Variants in DSCAM observed in about 807,000 individuals in gnomAD.
The protein encoded by DSCAM is DS cell adhesion molecule, also known as cell adhesion molecule DSCAM.
In DSCAM, 47 loss-of-function variants were observed where a neutral mutation model predicts 217.7. The ratio of observed to expected loss-of-function variants is 0.22; its 90% CI spans 0.17 to 0.28. The LOEUF (loss-of-function observed/expected upper bound fraction) is 0.28, where lower values mean the gene tolerates loss of function less well. DSCAM is among the 10% of genes least tolerant of loss of function. The pLI, the probability that DSCAM is intolerant of heterozygous loss-of-function variation, is 1.00. For missense variants in DSCAM, 2,080 were observed against 2,618.3 expected, an observed-to-expected ratio of 0.79 and a Z score of 4.49; for synonymous variants, 1,056 against 1,015.3, an observed-to-expected ratio of 1.04 and a Z score of -0.76.
intron 6 of DSCAM, among the ~76,000 whole-genome samples, chr21:40,344,336 T>C (rs1019152829): frequency 6.6e-6 from 1 of 152,256 alleles, no homozygotes; most frequent in African/African-American, 2.4e-5. Flanking sequence ...CTCCATTTTA[T>C]GTTCCATTTC....
intron 30 of DSCAM, among the ~76,000 whole-genome samples, chr21:40,048,344 C>T (rs1186801737): frequency 7.7e-6 from 1 of 129,340 alleles, no homozygotes; most frequent in Non-Finnish European, 1.6e-5. Context: ...CCACTACATG[C>T]CTGTGTCAGA....
chr21:40,042,661 C>T lies in DSCAM; in HGVS notation c.5396G>A (p.Ser1799Asn), dbSNP rs2088774781. The T allele has an allele frequency of 7.0e-7, 1 of 1,428,476 alleles. No homozygotes were observed. The highest frequency in any genetic ancestry group is 9.3e-7 in the Non-Finnish European group (1 of 1,079,896). The allele number at this position is 1,428,476 out of a possible 1,614,324, so 88.5% of individuals were successfully genotyped here. ...GGCACTTTCTGTGGAGACCATGCTG[C>T]TTCTTGCTCGATCTACACCAGGAAA... is the stretch of plus-strand genomic sequence containing the variant. The part of the protein sequence containing the change: ...SPSQDTDRAR[S>N]SMVSTESASS... Residue 1799 changes from serine (S) to asparagine (N), a missense_variant, in exon 32 of 33, where the codon AGC becomes AAC. Coordinates refer to ENST00000400454, the MANE Select transcript of DSCAM (RefSeq NM_001389.5).
intron 1 of DSCAM, among the ~76,000 whole-genome samples, chr21:40,758,805 G>A (rs2091301913): frequency 6.6e-6 from 1 of 152,124 alleles, no homozygotes; most frequent in Admixed American, 6.6e-5. Context: ...CTTCCTCCCA[G>A]TCATGACACA....
intron 3 of DSCAM, among the ~76,000 whole-genome samples, chr21:40,407,613 G>A (rs954872642): frequency 6.6e-6 from 1 of 152,164 alleles, no homozygotes; most frequent in African/African-American, 2.4e-5. Context: ...AGACCCTGGA[G>A]GATGAGACAC....
At chr21:40,328,701 A>G (rs2074343767) in intron 8 of DSCAM, among the ~76,000 whole-genome samples, 2 of 151,626 alleles carry the variant, frequency 1.3e-5, no homozygotes, top group African/African-American at 4.8e-5. Context: ...TGAAGTGACA[A>G]CCTATATATA....
chr21:40,575,617 T>C (rs952464470), intron 3 of DSCAM, among the ~76,000 whole-genome samples: 5 of 152,198 alleles, frequency 3.3e-5, no homozygotes, highest in African/African-American at 1.2e-4. Context: ...CCGACTCAAC[T>C]CCTTATGTTA....
At chr21:40,601,950 A>G (rs1601779550) in intron 3 of DSCAM, among the ~76,000 whole-genome samples, 1 of 151,846 alleles carries the variant, frequency 6.6e-6, no homozygotes, top group East Asian at 1.9e-4. Context: ...TAAATTCATT[A>G]GAGCTATTGA....
intron 3 of DSCAM, among the ~76,000 whole-genome samples, chr21:40,613,786 T>C (rs2089347578): frequency 6.6e-6 from 1 of 151,672 alleles, no homozygotes; most frequent in South Asian, 2.1e-4. Context: ...GCTGATGGGC[T>C]ATAATTTAGC....
chr21:40,614,320 A>G (rs1304207638), intron 3 of DSCAM, among the ~76,000 whole-genome samples: 8 of 152,238 alleles, frequency 5.3e-5, no homozygotes, highest in Non-Finnish European at 1.2e-4. Context: ...CCTGATTTAA[A>G]ACAAACAAAC....
chr21:40,653,262 C>T (rs2090037133), intron 3 of DSCAM, among the ~76,000 whole-genome samples: 1 of 152,200 alleles, frequency 6.6e-6, no homozygotes, highest in Non-Finnish European at 1.5e-5. Context: ...CACAGTCCAA[C>T]ATTTCCACAT....
At chr21:40,561,368 C>T (rs145156438) in intron 3 of DSCAM, among the ~76,000 whole-genome samples, 211 of 152,288 alleles carry the variant, frequency 1.4e-3, no homozygotes, top group Middle Eastern at 0.01. Context: ...AATATAGATT[C>T]CTGTGTGTAT....
intron 3 of DSCAM, among the ~76,000 whole-genome samples, chr21:40,512,933 C>T (rs1336325328): frequency 6.6e-6 from 1 of 152,076 alleles, no homozygotes; most frequent in Non-Finnish European, 1.5e-5. Flanking sequence ...GAGTTTCACT[C>T]TTGTTGCCCA....
At chr21:40,766,007 C>T (rs544639078) in intron 1 of DSCAM, among the ~76,000 whole-genome samples, 3 of 152,336 alleles carry the variant, frequency 2.0e-5, no homozygotes, top group Admixed American at 6.5e-5. Context: ...ATCACAGCCG[C>T]GGAGGCAGGC....
At chr21:40,446,763 T>G (rs570707271) in intron 3 of DSCAM, among the ~76,000 whole-genome samples, 1 of 152,314 alleles carries the variant, frequency 6.6e-6, no homozygotes, top group African/African-American at 2.4e-5. Context: ...GTTTTCAACT[T>G]AAAGTAGAGC....
intron 3 of DSCAM, chr21:40,383,795 C>T (rs138409993): frequency 2.0e-4 from 30 of 152,224 alleles, no homozygotes; most frequent in African/African-American, 6.5e-4. Flanking sequence ...AGTAGTAATG[C>T]ATTTTTTTAT....
At chr21:40,808,024 A>T (rs2837831) in intron 1 of DSCAM, among the ~76,000 whole-genome samples, 70,753 of 151,912 alleles carry the variant, frequency 0.47, 18,536 homozygotes, top group South Asian at 0.66. Context: ...GTTGTTTGCA[A>T]AGAATTCAGA....
intron 3 of DSCAM, among the ~76,000 whole-genome samples, chr21:40,498,767 ATATATATGGGTGTG>A (rs2076147334): frequency 2.6e-4 from 9 of 35,276 alleles, no homozygotes; most frequent in Non-Finnish European, 3.3e-4. Context: ...GGGTGTATAT[ATATATATGGGTGTG>A]TATATATATA....
chr21:40,536,146 G>A (rs2146120763), intron 3 of DSCAM, among the ~76,000 whole-genome samples: 1 of 152,300 alleles, frequency 6.6e-6, no homozygotes, highest in East Asian at 1.9e-4. Context: ...ATGAAAGTGG[G>A]CATCAGCATG....
At chr21:40,426,251 G>T (rs752505565) in intron 3 of DSCAM, among the ~76,000 whole-genome samples, 4 of 152,234 alleles carry the variant, frequency 2.6e-5, no homozygotes, top group Non-Finnish European at 5.9e-5. Flanking sequence ...AACAGAAGCT[G>T]CATAGATGGG....
Sources: allele counts gnomAD v4.1 joint callset (sites outside exome capture counted in the v4.1 genomes callset), GRCh38; gene constraint gnomAD v4.1.1; transcripts MANE v1.5; gene names NCBI Gene and HGNC (gene_info 2026-07-23, HGNC 2026-07-21).